CSMD1: variants seen among roughly 807,000 people sequenced by gnomAD.
CSMD1 encodes the protein CUB and Sushi multiple domains 1, also known as CUB and sushi domain-containing protein 1.
In CSMD1, 213 loss-of-function variants were observed where a neutral mutation model predicts 417.5. The observed-to-expected ratio is 0.51, with a 90% CI of 0.46 to 0.57. The LOEUF (loss-of-function observed/expected upper bound fraction) is 0.57. CSMD1 is among the 20% of genes least tolerant of loss of function. CSMD1 has a pLI of 0.00. For synonymous variants in CSMD1, 2,862 were observed against 1,736.8 expected, an observed-to-expected ratio of 1.65 and a Z score of -16.11; for missense variants, 6,923 against 4,529.7, an observed-to-expected ratio of 1.53 and a Z score of -15.17.
intron 10 of CSMD1, among the ~76,000 whole-genome samples, chr8:3,570,441 T>G (rs963387601): frequency 6.6e-6 from 1 of 152,166 alleles, no homozygotes; most frequent in African/African-American, 2.4e-5. Context: ...CTAGGAAATA[T>G]GTCTTCCATC....
chr8:4,087,021 T>C (rs1470846184), intron 3 of CSMD1, among the ~76,000 whole-genome samples: 2 of 152,230 alleles, frequency 1.3e-5, no homozygotes, highest in Non-Finnish European at 2.9e-5. Flanking sequence ...ATGTACATCA[T>C]GGAATTAAGT....
At chr8:4,902,547 C>A (rs921555679) in intron 1 of CSMD1, among the ~76,000 whole-genome samples, 5 of 152,092 alleles carry the variant, frequency 3.3e-5, no homozygotes, top group Admixed American at 1.3e-4. Context: ...ATGAAACATT[C>A]AAGACATTTT....
chr8:4,724,553 TGTGTGTGTG>T (rs1809289695), intron 1 of CSMD1, among the ~76,000 whole-genome samples: 1 of 151,388 alleles, frequency 6.6e-6, no homozygotes, highest in Admixed American at 6.6e-5. Context: ...TGTGTGTGTG[TGTGTGTGTG>T]TTTATACTCC....
intron 1 of CSMD1, among the ~76,000 whole-genome samples, chr8:4,813,496 G>A: frequency 1.3e-5 from 2 of 152,256 alleles, no homozygotes; most frequent in South Asian, 4.1e-4. Context: ...GAAGCTGTCT[G>A]ATTTGCTTTT....
intron 3 of CSMD1, among the ~76,000 whole-genome samples, chr8:4,262,959 G>C (rs745453478): frequency 1.3e-5 from 2 of 152,156 alleles, no homozygotes; most frequent in African/African-American, 2.4e-5. Flanking sequence ...AGGAAACTGA[G>C]TCTCCAAGTA....
intron 49 of CSMD1, among the ~76,000 whole-genome samples, chr8:3,062,296 C>A (rs1812638666): frequency 6.6e-6 from 1 of 152,016 alleles, no homozygotes. Flanking sequence ...TAGAAAATAA[C>A]AGCAAGAGAG....
At chr8:3,082,020 C>G (rs1814138292) in intron 49 of CSMD1, among the ~76,000 whole-genome samples, 1 of 152,186 alleles carries the variant, frequency 6.6e-6, no homozygotes, top group African/African-American at 2.4e-5. Flanking sequence ...TCATGTCCCC[C>G]ACCAACATAT....
At chr8:4,000,609 T>C (rs12675202) in intron 4 of CSMD1, among the ~76,000 whole-genome samples, 18,831 of 152,198 alleles carry the variant, frequency 0.12, 1,269 homozygotes, top group East Asian at 0.19. Flanking sequence ...AATATCTCCT[T>C]CATAAAGGGA....
At chr8:4,359,561 C>A (rs901405766) in intron 3 of CSMD1, among the ~76,000 whole-genome samples, 1 of 152,204 alleles carries the variant, frequency 6.6e-6, no homozygotes, top group African/African-American at 2.4e-5. Flanking sequence ...CAGAAGAGCC[C>A]TGTGTTCCTT....
chr8:3,785,839 G>A (rs1799428538), intron 5 of CSMD1, among the ~76,000 whole-genome samples: 1 of 152,168 alleles, frequency 6.6e-6, no homozygotes, highest in Non-Finnish European at 1.5e-5. Context: ...TTATTCCTGA[G>A]GGCTTTGGGA....
chr8:3,527,179 T>G (rs1797787965), intron 10 of CSMD1, among the ~76,000 whole-genome samples: 1 of 152,130 alleles, frequency 6.6e-6, no homozygotes, highest in Non-Finnish European at 1.5e-5. Context: ...AAAATAAAAT[T>G]TTAATATAAA....
At chr8:3,267,992 T>A (rs186784349) in intron 26 of CSMD1, among the ~76,000 whole-genome samples, 1 of 152,262 alleles carries the variant, frequency 6.6e-6, no homozygotes. Flanking sequence ...GTCATTGCCC[T>A]GTGTGGGCTC....
chr8:3,779,660 G>C (rs1348097693), intron 5 of CSMD1, among the ~76,000 whole-genome samples: 1 of 152,164 alleles, frequency 6.6e-6, no homozygotes, highest in Non-Finnish European at 1.5e-5. Context: ...TTTATGCAAT[G>C]ATATGACATT....
At chr8:3,488,012 G>GCAAT (rs201364586) in intron 11 of CSMD1, among the ~76,000 whole-genome samples, 21,011 of 151,450 alleles carry the variant, frequency 0.14, 1,547 homozygotes, top group East Asian at 0.23. Context: ...CCCTACAAAC[G>GCAAT]CAATCAAAAT....
intron 1 of CSMD1, among the ~76,000 whole-genome samples, chr8:4,750,873 T>A (rs958672943): frequency 6.6e-6 from 1 of 152,228 alleles, no homozygotes; most frequent in Non-Finnish European, 1.5e-5. Flanking sequence ...GAAGGGACTG[T>A]GAACACCCAG....
At chr8:3,973,224 G>A (rs1345307003) in intron 5 of CSMD1, among the ~76,000 whole-genome samples, 2 of 152,190 alleles carry the variant, frequency 1.3e-5, no homozygotes, top group Non-Finnish European at 2.9e-5. Context: ...GCCCTACATA[G>A]AGCTGTTCCC....
chr8:4,268,421 T>C (rs1804358586), intron 3 of CSMD1, among the ~76,000 whole-genome samples: 2 of 152,154 alleles, frequency 1.3e-5, no homozygotes, highest in East Asian at 1.9e-4. Flanking sequence ...CAGTGACCAA[T>C]TGTTGTTTAT....
intron 3 of CSMD1, among the ~76,000 whole-genome samples, chr8:4,193,948 C>T (rs1398113221): frequency 6.6e-6 from 1 of 151,798 alleles, no homozygotes; most frequent in Non-Finnish European, 1.5e-5. Context: ...GGTGGGGCTG[C>T]AGGTAATTTA....
intron 2 of CSMD1, among the ~76,000 whole-genome samples, chr8:4,515,223 A>G (rs1226957971): frequency 1.3e-5 from 2 of 152,142 alleles, no homozygotes; most frequent in Non-Finnish European, 2.9e-5. Context: ...ATGAGTCTCT[A>G]TTACGCGTTA....
Sources: allele counts gnomAD v4.1 joint callset (sites outside exome capture counted in the v4.1 genomes callset), GRCh38; gene constraint gnomAD v4.1.1; transcripts MANE v1.5; gene names NCBI Gene and HGNC (gene_info 2026-07-23, HGNC 2026-07-21).